The following LRGUK variants were observed in gnomAD, a reference collection of about 807,000 sequenced individuals.
The protein encoded by LRGUK is leucine rich repeats and guanylate kinase domain containing.
Under a neutral mutation model 76.0 loss-of-function variants are expected in LRGUK, and 65 were observed. The ratio of observed to expected loss-of-function variants is 0.85; its 90% confidence interval spans 0.70 to 1.05. LRGUK has a LOEUF of 1.05. LRGUK is among the 50% of genes least tolerant of loss of function. The probability of loss-of-function intolerance (pLI) is 0.00; values close to 1 mark genes in which losing one functional copy is unlikely to be tolerated. For missense variants in LRGUK, 758 were observed against 732.8 expected (o/e 1.03, Z -0.40); for synonymous variants, 268 against 265.6 (o/e 1.01, Z -0.09).
intron 5 of LRGUK, among the ~76,000 whole-genome samples, chr7:134,151,691 A>C (rs1798231069): frequency 6.6e-6 from 1 of 152,118 alleles, no homozygotes; most frequent in African/African-American, 2.4e-5. Flanking sequence ...TATTACCACC[A>C]AATTGGGTTT....
chr7:134,168,156 G>C (rs950303221), intron 7 of LRGUK, among the ~76,000 whole-genome samples: 5 of 152,046 alleles, frequency 3.3e-5, no homozygotes, highest in Non-Finnish European at 7.4e-5. Context: ...CCAGGAGTTT[G>C]AGACCAGCCT....
chr7:134,127,869 A>G (rs1797085567), intron 1 of LRGUK, among the ~76,000 whole-genome samples: 1 of 151,632 alleles, frequency 6.6e-6, no homozygotes, highest in Admixed American at 6.6e-5. Flanking sequence ...AGCTCTAAAT[A>G]GTTCCTTTCT....
At chr7:134,165,869 T>G (rs1442559673) in intron 7 of LRGUK, among the ~76,000 whole-genome samples, 1 of 152,110 alleles carries the variant, frequency 6.6e-6, no homozygotes, top group Non-Finnish European at 1.5e-5. Flanking sequence ...TGACAAACTT[T>G]AAAGAAAAAA....
chr7:134,168,041 G>C (rs1276603348), intron 7 of LRGUK, among the ~76,000 whole-genome samples: 1 of 152,122 alleles, frequency 6.6e-6, no homozygotes, highest in South Asian at 2.1e-4. Context: ...GCAATGCCTG[G>C]CTCAGAGGTG....
chr7:134,174,067 G>T (rs1248737598), intron 7 of LRGUK, among the ~76,000 whole-genome samples: 1 of 148,034 alleles, frequency 6.8e-6, no homozygotes, highest in East Asian at 2.0e-4. Flanking sequence ...CGAGATCACA[G>T]CACTGCACTC....
At chr7:134,254,709 T>C (rs77463368) in intron 18 of LRGUK, among the ~76,000 whole-genome samples, 4,798 of 152,258 alleles carry the variant, frequency 0.032, 117 homozygotes, top group Non-Finnish European at 0.05. Context: ...TAGCAGATAC[T>C]AATAAATTAA....
intron 15 of LRGUK, among the ~76,000 whole-genome samples, chr7:134,203,062 G>A (rs1051147245): frequency 2.0e-5 from 3 of 152,084 alleles, no homozygotes; most frequent in African/African-American, 7.2e-5. Flanking sequence ...AATTAGCCAG[G>A]CGTGGTGGCA....
intron 5 of LRGUK, among the ~76,000 whole-genome samples, chr7:134,156,432 T>C (rs1272264065): frequency 6.6e-6 from 1 of 152,144 alleles, no homozygotes; most frequent in Non-Finnish European, 1.5e-5. Context: ...GTGTTATATG[T>C]CAAAAAGAAA....
At chr7:134,190,949 G>GCA (rs1800214347) in intron 11 of LRGUK, among the ~76,000 whole-genome samples, 9 of 151,516 alleles carry the variant, frequency 5.9e-5, no homozygotes, top group Non-Finnish European at 8.9e-5. Context: ...TGAGCGGTGT[G>GCA]GTGGGATGGG....
At chr7:134,176,696 A>T (rs1451244904) in intron 8 of LRGUK, among the ~76,000 whole-genome samples, 2 of 152,252 alleles carry the variant, frequency 1.3e-5, no homozygotes, top group South Asian at 2.1e-4. Context: ...ATTAAATTTT[A>T]AAAAAAGAAA....
intron 5 of LRGUK, among the ~76,000 whole-genome samples, chr7:134,149,389 T>A (rs1798111270): frequency 6.6e-6 from 1 of 152,200 alleles, no homozygotes; most frequent in Non-Finnish European, 1.5e-5. Context: ...ATGAATTGAT[T>A]GCCTTGGGTG....
intron 4 of LRGUK, among the ~76,000 whole-genome samples, chr7:134,145,254 T>C (rs1441006112): frequency 2.6e-5 from 4 of 151,528 alleles, no homozygotes; most frequent in African/African-American, 4.9e-5. Context: ...TCTTTTCTTT[T>C]CTTTTTTTTT....
intron 15 of LRGUK, among the ~76,000 whole-genome samples, chr7:134,206,194 C>T (rs924796114): frequency 2.0e-5 from 3 of 152,094 alleles, no homozygotes; most frequent in Non-Finnish European, 4.4e-5. Flanking sequence ...GATTATAAAC[C>T]CTGAAATCTT....
downstream of LRGUK, among the ~76,000 whole-genome samples, chr7:134,269,498 G>A (rs542306743): frequency 4.6e-5 from 7 of 151,908 alleles, no homozygotes; most frequent in East Asian, 1.4e-3. Flanking sequence ...GAATACAGAT[G>A]TGTGCCAGTA....
At chr7:134,212,849 CTGAAGGCCCCACAGCGTGTTA>C (rs1293386109), downstream of LRGUK, among the ~76,000 whole-genome samples, 24 of 152,158 alleles carry the variant, frequency 1.6e-4, 1 homozygote. Flanking sequence ...ATTAGGGCAG[CTGAAGGCCCCACAGCGTGTTA>C]GGCTACATTT....
intron 7 of LRGUK, among the ~76,000 whole-genome samples, chr7:134,164,042 G>A (rs1282189167): frequency 1.3e-5 from 2 of 152,090 alleles, no homozygotes; most frequent in African/African-American, 4.8e-5. Context: ...ATAACATGGC[G>A]ATTATCGTTA....
At chr7:134,271,089 T>G in the LRGUK span, among the ~76,000 whole-genome samples, 1 of 152,066 alleles carries the variant, frequency 6.6e-6, no homozygotes, top group Admixed American at 6.5e-5. Flanking sequence ...TTAAATAAGC[T>G]TATTGGCCAC....
chr7:134,191,025 G>A (rs977379425), intron 11 of LRGUK, among the ~76,000 whole-genome samples: 4 of 152,230 alleles, frequency 2.6e-5, no homozygotes, highest in African/African-American at 4.8e-5. Context: ...ATTCAGCATT[G>A]GCACCATGGA....
At chr7:134,199,446 G>A (rs1265326198) in intron 14 of LRGUK, 25 bp downstream of exon 14, 2 of 1,587,088 alleles carry the variant, frequency 1.3e-6, no homozygotes, top group Admixed American at 1.7e-5. Context: ...GCAAAGTTTT[G>A]TTTTTGAAAT....
Sources: allele counts gnomAD v4.1 joint callset (sites outside exome capture counted in the v4.1 genomes callset), GRCh38; gene constraint gnomAD v4.1.1; transcripts MANE v1.5; gene names NCBI Gene and HGNC (gene_info 2026-07-23, HGNC 2026-07-21).